The following KLHL13 variants were observed in gnomAD, a reference collection of about 807,000 sequenced individuals.
KLHL13 encodes kelch-like protein 13.
A neutral mutation model predicts 37.1 loss-of-function variants in KLHL13; 10 were observed. The observed-to-expected ratio is 0.27, with a 90% CI of 0.17 to 0.46. The LOEUF (loss-of-function observed/expected upper bound fraction) is 0.46. Ranked by LOEUF, KLHL13 falls within the 20% of genes least tolerant of loss-of-function variation. The probability of loss-of-function intolerance (pLI) is 1.00; values close to 1 mark genes in which losing one functional copy is unlikely to be tolerated. For synonymous variants in KLHL13, 163 were observed against 181.2 expected (o/e 0.90, Z 0.81); for missense variants, 360 against 509.3 (o/e 0.71, Z 2.82).
chrX:117,900,363 C>T (rs958948343), intron 6 of KLHL13, among the ~76,000 whole-genome samples: 10 of 111,981 alleles, frequency 8.9e-5, no homozygotes. Context: ...TGAAAATCAG[C>T]TATAGTTTCT....
chrX:118,092,099 G>A (rs2055143240), intron 1 of KLHL13, among the ~76,000 whole-genome samples: 1 of 111,503 alleles, frequency 9.0e-6, no homozygotes, highest in African/African-American at 3.3e-5. Flanking sequence ...ACTTCACACT[G>A]GGTACAGTGT....
intron 1 of KLHL13, among the ~76,000 whole-genome samples, chrX:118,025,595 T>C (rs769973770): frequency 4.7e-4 from 52 of 111,380 alleles, no homozygotes; most frequent in African/African-American, 1.5e-3. Flanking sequence ...CTTGGATATA[T>C]CAAAGAGAAG....
At chrX:117,929,072 T>C (rs1279761709) in intron 2 of KLHL13, among the ~76,000 whole-genome samples, 1 of 112,073 alleles carries the variant, frequency 8.9e-6, no homozygotes, top group African/African-American at 3.2e-5. Flanking sequence ...GCCAATAAAT[T>C]TGACAACTCA....
chrX:118,017,740 A>G (rs189169380), intron 1 of KLHL13, among the ~76,000 whole-genome samples: 34 of 111,962 alleles, frequency 3.0e-4, no homozygotes, highest in Non-Finnish European at 5.8e-4. Flanking sequence ...ATTCACTGCT[A>G]TATCCCTAGC....
At chrX:118,043,933 G>C (rs889483053) in intron 1 of KLHL13, among the ~76,000 whole-genome samples, 1 of 111,885 alleles carries the variant, frequency 8.9e-6, no homozygotes, top group East Asian at 2.8e-4. Context: ...TTACAAAATG[G>C]AAAGGAAGAA....
chrX:117,903,770 C>T (rs979501901), intron 5 of KLHL13, among the ~76,000 whole-genome samples: 4 of 110,814 alleles, frequency 3.6e-5, no homozygotes, highest in African/African-American at 1.3e-4. Context: ...AAAAAGACTT[C>T]CAGATATCAT....
intron 1 of KLHL13, among the ~76,000 whole-genome samples, chrX:118,034,120 A>G (rs1344499655): frequency 2.0e-5 from 2 of 100,439 alleles, no homozygotes; most frequent in Non-Finnish European, 3.9e-5. Flanking sequence ...AAAGAGACTT[A>G]GACTCCCACA....
chrX:117,899,642 T>A (rs1929963952), intron 6 of KLHL13, among the ~76,000 whole-genome samples: 1 of 112,150 alleles, frequency 8.9e-6, no homozygotes, highest in South Asian at 3.7e-4. Flanking sequence ...GCAATGACTT[T>A]CTCAAATGTA....
chrX:117,967,546 T>A (rs2053456961), intron 1 of KLHL13, among the ~76,000 whole-genome samples: 2 of 111,573 alleles, frequency 1.8e-5, no homozygotes, highest in South Asian at 7.5e-4. Flanking sequence ...CTCTTCCCTC[T>A]GTAGAAAGTG....
chrX:117,979,143 G>T (rs774224130), intron 1 of KLHL13, among the ~76,000 whole-genome samples: 41 of 111,229 alleles, frequency 3.7e-4, no homozygotes, highest in African/African-American at 1.3e-3. Context: ...CGTTGGCCAG[G>T]CTGGTCTTGA....
chrX:117,952,611 A>G (rs770580180), intron 1 of KLHL13, among the ~76,000 whole-genome samples: 1 of 109,456 alleles, frequency 9.1e-6, no homozygotes, highest in African/African-American at 3.4e-5. Flanking sequence ...ATCAGAATGA[A>G]CAGGCAACCT....
chrX:118,019,104 T>C (rs2054165051), intron 1 of KLHL13, among the ~76,000 whole-genome samples: 1 of 110,980 alleles, frequency 9.0e-6, no homozygotes, highest in South Asian at 3.8e-4. Flanking sequence ...CAGAATAGAA[T>C]ATATCATTAT....
chrX:117,904,701 C>T (rs1930379611), intron 5 of KLHL13, among the ~76,000 whole-genome samples: 1 of 111,883 alleles, frequency 8.9e-6, no homozygotes, highest in Admixed American at 9.5e-5. Context: ...TGGAGCACAG[C>T]CTCACTCATT....
intron 1 of KLHL13, among the ~76,000 whole-genome samples, chrX:117,951,667 C>A (rs1458409929): frequency 1.8e-5 from 2 of 111,732 alleles, no homozygotes. Context: ...AGCTATTGCA[C>A]AGGCTTCTTA....
At chrX:117,939,048 A>G (rs751781673) in intron 2 of KLHL13, among the ~76,000 whole-genome samples, 3 of 110,157 alleles carry the variant, frequency 2.7e-5, no homozygotes, top group South Asian at 4.0e-4. Context: ...CCATCAACCC[A>G]TCATCTACAT....
At chrX:118,109,190 A>T (rs1392043749) in intron 1 of KLHL13, among the ~76,000 whole-genome samples, 1 of 111,770 alleles carries the variant, frequency 8.9e-6, no homozygotes, top group Non-Finnish European at 1.9e-5. Context: ...ACCCACCAAC[A>T]TTAAAAACTC....
intron 1 of KLHL13, among the ~76,000 whole-genome samples, chrX:117,970,132 A>G (rs1387335948): frequency 9.0e-6 from 1 of 111,594 alleles, no homozygotes; most frequent in African/African-American, 3.3e-5. Context: ...CACATGCTCA[A>G]TCACTATAAC....
intron 1 of KLHL13, among the ~76,000 whole-genome samples, chrX:117,993,243 G>C (rs2053814695): frequency 9.0e-6 from 1 of 111,348 alleles, no homozygotes; most frequent in Non-Finnish European, 1.9e-5. Context: ...AGGCACAATT[G>C]CAATTGTGAC....
chrX:117,936,759 A>G (rs932983132), intron 2 of KLHL13, among the ~76,000 whole-genome samples: 1 of 111,224 alleles, frequency 9.0e-6, no homozygotes, highest in Non-Finnish European at 1.9e-5. Flanking sequence ...GTATACCCAT[A>G]ACTTCTGATC....
Sources: allele counts gnomAD v4.1 joint callset (sites outside exome capture counted in the v4.1 genomes callset), GRCh38; gene constraint gnomAD v4.1.1; transcripts MANE v1.5; gene names NCBI Gene and HGNC (gene_info 2026-07-23, HGNC 2026-07-21).